CHCHD3: variants seen among roughly 807,000 people sequenced by gnomAD.
The protein encoded by CHCHD3 is MICOS complex subunit MIC19.
Under a neutral mutation model 38.2 loss-of-function variants are expected in CHCHD3, and 20 were observed. That is an observed-to-expected ratio of 0.52 (90% CI 0.37 to 0.76). The LOEUF is 0.76. CHCHD3 is among the 30% of genes least tolerant of loss of function. The pLI, the probability that CHCHD3 is intolerant of heterozygous loss-of-function variation, is 0.00. For missense variants in CHCHD3, 245 were observed against 279.2 expected (o/e 0.88, Z 0.87); for synonymous variants, 82 against 100.0 (o/e 0.82, Z 1.07).
chr7:132,901,566 TGATGATCAGA>T (rs1480453897), intron 4 of CHCHD3, among the ~76,000 whole-genome samples: 1 of 152,232 alleles, frequency 6.6e-6, no homozygotes, highest in African/African-American at 2.4e-5. Context: ...TGATGGCCAG[TGATGATCAGA>T]TCTGTTCATG....
At chr7:132,888,733 A>G (rs1225533578) in intron 4 of CHCHD3, among the ~76,000 whole-genome samples, 1 of 152,036 alleles carries the variant, frequency 6.6e-6, no homozygotes, top group African/African-American at 2.4e-5. Context: ...CCATATAATC[A>G]AACAGTAAGA....
chr7:133,024,741 C>A, intron 2 of CHCHD3, 114 bp from the exon 3 acceptor site: 2 of 779,622 alleles, frequency 2.6e-6, no homozygotes, highest in South Asian at 1.5e-5. Context: ...AAAGTTCTGC[C>A]AAGTGGCCAG....
At chr7:133,073,564 C>G (rs147027278) in intron 1 of CHCHD3, among the ~76,000 whole-genome samples, 1,834 of 152,200 alleles carry the variant, frequency 0.012, 13 homozygotes, top group Non-Finnish European at 0.02. Flanking sequence ...ATTAATGACA[C>G]CACCAACACC....
chr7:132,965,145 G>A (rs1398850583), intron 4 of CHCHD3, among the ~76,000 whole-genome samples: 1 of 151,366 alleles, frequency 6.6e-6, no homozygotes, highest in East Asian at 1.9e-4. Context: ...TCTACTCTTA[G>A]CTGCAGTAAT....
At position 132,886,523 on chromosome 7, in the gene CHCHD3, G is replaced by A. The variant is rs961074974; in HGVS notation, c.370-778C>T. ...GTTTAATTGGCCTTTATCTCTGAGGGATGAGACTTTCCTATATCACTCTGA... is the reference window on the plus strand; with the variant it reads ...GTTTAATTGGCCTTTATCTCTGAGGAATGAGACTTTCCTATATCACTCTGA... On this transcript the variant is annotated intron_variant, in intron 4 of 7. Transcript: ENST00000262570. Among the ~76,000 whole-genome samples the A allele has an allele frequency of 3.3e-5, 5 of 151,608 alleles. No individual in the cohort carries two copies. In the South Asian group the frequency reaches 6.2e-4, roughly 19 times the overall value.
intron 5 of CHCHD3, among the ~76,000 whole-genome samples, chr7:132,852,378 TTTC>T (rs948185272): frequency 1.3e-5 from 2 of 152,200 alleles, no homozygotes; most frequent in African/African-American, 4.8e-5. Context: ...TTTGGCTGTC[TTTC>T]TTGTCTTCAA....
intron 3 of CHCHD3, among the ~76,000 whole-genome samples, chr7:132,985,318 C>T: frequency 1.5e-5 from 1 of 66,710 alleles, no homozygotes; most frequent in Admixed American, 1.5e-4. Context: ...CCCGGCCGCC[C>T]CTACTGGGAA....
At chr7:132,930,357 G>C (rs1234102126) in intron 4 of CHCHD3, among the ~76,000 whole-genome samples, 1 of 151,832 alleles carries the variant, frequency 6.6e-6, no homozygotes, top group Non-Finnish European at 1.5e-5. Context: ...TTGGTAGAGA[G>C]TGGGTCTCAC....
At chr7:132,943,432 G>A (rs1810819694) in intron 4 of CHCHD3, among the ~76,000 whole-genome samples, 1 of 152,044 alleles carries the variant, frequency 6.6e-6, no homozygotes, top group African/African-American at 2.4e-5. Flanking sequence ...AATTCTACAT[G>A]AGAACTTAAT....
At chr7:132,945,226 T>C (rs1169142341) in intron 4 of CHCHD3, among the ~76,000 whole-genome samples, 5 of 151,948 alleles carry the variant, frequency 3.3e-5, no homozygotes, top group African/African-American at 1.2e-4. Flanking sequence ...GTTTTCATTG[T>C]TTTAAAAATT....
intron 4 of CHCHD3, among the ~76,000 whole-genome samples, chr7:132,931,887 T>C (rs1810523565): frequency 6.6e-6 from 1 of 152,152 alleles, no homozygotes; most frequent in Non-Finnish European, 1.5e-5. Flanking sequence ...AAACCCACTG[T>C]GCAGCAGGCA....
At chr7:132,794,154 T>C (rs983340569) in intron 7 of CHCHD3, among the ~76,000 whole-genome samples, 95 of 152,344 alleles carry the variant, frequency 6.2e-4, no homozygotes, top group African/African-American at 2.0e-3. Flanking sequence ...TCATTAGATC[T>C]TCCACATTCT....
chr7:132,911,647 C>T (rs1465344894), intron 4 of CHCHD3, among the ~76,000 whole-genome samples: 1 of 152,214 alleles, frequency 6.6e-6, no homozygotes, highest in East Asian at 1.9e-4. Context: ...CCAACTTCAG[C>T]CTAACTTGTA....
At chr7:132,881,219 A>C (rs1231845396) in intron 5 of CHCHD3, among the ~76,000 whole-genome samples, 1 of 152,202 alleles carries the variant, frequency 6.6e-6, no homozygotes, top group Non-Finnish European at 1.5e-5. Context: ...TGAAAGAAGA[A>C]AATTATATCA....
chr7:132,810,555 G>A (rs1395117293), intron 6 of CHCHD3, among the ~76,000 whole-genome samples: 1 of 152,114 alleles, frequency 6.6e-6, no homozygotes, highest in South Asian at 2.1e-4. Context: ...GACCAACTAC[G>A]AAGTATAGAA....
At chr7:132,919,657 G>A (rs775390893) in intron 4 of CHCHD3, among the ~76,000 whole-genome samples, 7 of 152,146 alleles carry the variant, frequency 4.6e-5, no homozygotes, top group South Asian at 2.1e-4. Flanking sequence ...TTAGTCACAC[G>A]CCTCTATAAA....
chr7:132,981,101 T>C (rs1811906017), intron 3 of CHCHD3, among the ~76,000 whole-genome samples: 6 of 152,052 alleles, frequency 3.9e-5, no homozygotes, highest in Admixed American at 3.9e-4. Context: ...TCCTCTTGCC[T>C]TAGCCTCCCA....
intron 7 of CHCHD3, among the ~76,000 whole-genome samples, chr7:132,786,867 T>C (rs777114562): frequency 3.3e-5 from 5 of 152,234 alleles, no homozygotes; most frequent in Non-Finnish European, 4.4e-5. Flanking sequence ...AGGAACCAAA[T>C]AGTATCTGGT....
At chr7:132,815,438 T>C (rs568267883) in intron 6 of CHCHD3, 27 of 380,678 alleles carry the variant, frequency 7.1e-5, no homozygotes, top group African/African-American at 5.3e-4. Flanking sequence ...TGACTGCACA[T>C]AAAGGACATT....
Sources: gnomAD v4.1 joint callset for allele counts (sites outside exome capture counted in the v4.1 genomes callset) on GRCh38, gnomAD v4.1.1 for gene constraint, MANE v1.5 for transcripts, NCBI Gene and HGNC (gene_info 2026-07-23, HGNC 2026-07-21) for gene names.